ACBD3: variants seen among roughly 807,000 people sequenced by gnomAD.
ACBD3 encodes Golgi resident protein GCP60.
In ACBD3, 30 loss-of-function variants were observed where a neutral mutation model predicts 66.9. The observed-to-expected ratio is 0.45, with a 90% CI of 0.34 to 0.61. The LOEUF is 0.61. Among genes scored for constraint, ACBD3 ranks in the 20% least tolerant of loss-of-function variants. The pLI is 0.02. For missense variants in ACBD3, 544 were observed against 664.5 expected (o/e 0.82, Z 1.99); for synonymous variants, 278 against 259.8 (o/e 1.07, Z -0.68).
intron 1 of ACBD3, among the ~76,000 whole-genome samples, chr1:226,183,862 C>A: frequency 8.2e-6 from 1 of 122,530 alleles, no homozygotes. Context: ...CTAGCCTGAG[C>A]AACAAGAATC....
At chr1:226,184,282 CAGTT>C (rs1656241872) in intron 1 of ACBD3, among the ~76,000 whole-genome samples, 1 of 152,236 alleles carries the variant, frequency 6.6e-6, no homozygotes, top group Non-Finnish European at 1.5e-5. Flanking sequence ...TCCCTTTTGT[CAGTT>C]AGTGTCTCAT....
rs940159174 is a variant in ACBD3 at position 226,154,655 on chromosome 1, C to G, written c.1082G>C (p.Gly361Ala). ...PEAAEEALEN[G>A]PKESLPVIAA... is the part of the protein sequence containing the mutation. ...ACATATGCAAAACCTACCTTTTGGT[C>G]CATTCTCCAGGGCTTCTTCTGCAGC... The change falls in exon 6 of 8, where the codon GGA (glycine) becomes GCA (alanine). Residue 361 changes from glycine (G) to alanine (A), a missense_variant. Physicochemically the swap from Gly to Ala is moderately conservative, Grantham distance 60. Transcript: ENST00000366812. 15 of 1,609,168 alleles carry G rather than the reference C, an allele frequency of 9.3e-6. No individual in the cohort carries two copies. The highest frequency in any genetic ancestry group is 1.2e-5 in the Non-Finnish European group (14 of 1,177,704).
At position 226,183,539 on chromosome 1, in the gene ACBD3, C is replaced by T. The variant is rs563621933; in HGVS notation, c.286+2851G>A. Reference sequence around the variant, plus strand: ...ATACTGGTATAAAACCATAGAATAGCGATTAAAAGTCCCAGCAAGACTGAC... The same window carrying T: ...ATACTGGTATAAAACCATAGAATAGTGATTAAAAGTCCCAGCAAGACTGAC... On this transcript the variant is annotated intron_variant, in intron 1 of 7. Coordinates refer to ENST00000366812, the MANE Select transcript of ACBD3 (RefSeq NM_022735.4). Among the ~76,000 whole-genome samples, 7 of 152,086 alleles carry T rather than the reference C, an allele frequency of 4.6e-5. No individual in the cohort carries two copies. The East Asian group carries it at 1.2e-3, about 25-fold the overall frequency.
At chr1:226,147,971 A>G (rs1013059496) in intron 7 of ACBD3, 2 of 152,202 alleles carry the variant, frequency 1.3e-5, no homozygotes, top group African/African-American at 4.8e-5. Context: ...GACTGGGACT[A>G]CAGGCATGGA....
chr1:226,162,494 C>T (rs552117522), intron 3 of ACBD3, among the ~76,000 whole-genome samples: 144 of 152,146 alleles, frequency 9.5e-4, no homozygotes, highest in Non-Finnish European at 1.4e-3. Context: ...TAAAAAAGAA[C>T]GGTTAACCTC....
chr1:226,149,103 A>G (rs560473427), intron 7 of ACBD3, among the ~76,000 whole-genome samples: 38 of 152,254 alleles, frequency 2.5e-4, no homozygotes, highest in African/African-American at 6.3e-4. Context: ...CCCCAAAACT[A>G]TCATCAGCTG....
intron 1 of ACBD3, among the ~76,000 whole-genome samples, chr1:226,184,978 A>G (rs1656263834): frequency 6.6e-6 from 1 of 151,548 alleles, no homozygotes; most frequent in Non-Finnish European, 1.5e-5. Context: ...AAAAGGAATT[A>G]GTTCATTTCT....
chr1:226,169,541 G>A (rs539542427), intron 1 of ACBD3, among the ~76,000 whole-genome samples: 20 of 130,974 alleles, frequency 1.5e-4, no homozygotes, highest in Non-Finnish European at 2.2e-4. Flanking sequence ...GAGCCACCGC[G>A]CCTGGACTGC....
chr1:226,149,456 A>G (rs1659520334), intron 7 of ACBD3, among the ~76,000 whole-genome samples: 1 of 141,254 alleles, frequency 7.1e-6, no homozygotes, highest in African/African-American at 2.6e-5. Context: ...TGAACTCCTG[A>G]CCTCAGGTGA....
At chr1:226,164,747 G>C (rs1659839689) in intron 3 of ACBD3, 42 bp downstream of exon 3, 1 of 1,584,980 alleles carries the variant, frequency 6.3e-7, no homozygotes, top group African/African-American at 1.3e-5. Flanking sequence ...TCAGTACACT[G>C]GGCTGCGCAG....
At chr1:226,175,091 C>CAAAAAAAAA (rs35201518) in intron 1 of ACBD3, among the ~76,000 whole-genome samples, 71 of 75,936 alleles carry the variant, frequency 9.3e-4, no homozygotes, top group East Asian at 1.1e-3. Flanking sequence ...GACTCCATCT[C>CAAAAAAAAA]AAAAAAAAAA....
At chr1:226,162,721 TC>T (rs143176365) in intron 3 of ACBD3, among the ~76,000 whole-genome samples, 4,633 of 151,948 alleles carry the variant, frequency 0.03, 220 homozygotes, top group African/African-American at 0.1. Context: ...CTCACCTTTC[TC>T]CCCTCTAACT....
At chr1:226,146,994 C>G (rs1355086862) in intron 7 of ACBD3, among the ~76,000 whole-genome samples, 173 bp from the exon 8 acceptor site, 2 of 152,158 alleles carry the variant, frequency 1.3e-5, no homozygotes, top group Non-Finnish European at 2.9e-5. Flanking sequence ...TGGGTGCAAG[C>G]GATTCTCCTG....
chr1:226,153,826 T>A (rs114078387), intron 6 of ACBD3, among the ~76,000 whole-genome samples: 1 of 152,184 alleles, frequency 6.6e-6, no homozygotes, highest in African/African-American at 2.4e-5. Context: ...TGGGTCTTCA[T>A]GCACTTGTGA....
At chr1:226,181,969 G>A (rs1656179649) in intron 1 of ACBD3, among the ~76,000 whole-genome samples, 1 of 152,198 alleles carries the variant, frequency 6.6e-6, no homozygotes, top group African/African-American at 2.4e-5. Context: ...GGTAGCTCAT[G>A]CCTGTAATCC....
At chr1:226,175,257 C>T (rs1280364341) in intron 1 of ACBD3, among the ~76,000 whole-genome samples, 4 of 152,090 alleles carry the variant, frequency 2.6e-5, no homozygotes, top group Non-Finnish European at 5.9e-5. Context: ...TGGTCTCATG[C>T]ACTCTTTTCA....
At chr1:226,175,091 C>CAAAAAAAAAAAAAAAAAAAAAA (rs35201518) in intron 1 of ACBD3, among the ~76,000 whole-genome samples, 13 of 75,974 alleles carry the variant, frequency 1.7e-4, no homozygotes, top group East Asian at 7.1e-4. Context: ...GACTCCATCT[C>CAAAAAAAAAAAAAAAAAAAAAA]AAAAAAAAAA....
chr1:226,174,543 T>C (rs575014218), intron 1 of ACBD3, among the ~76,000 whole-genome samples: 24 of 152,058 alleles, frequency 1.6e-4, no homozygotes, highest in African/African-American at 5.1e-4. Context: ...GGCAAGTGGA[T>C]CACCTGAGGT....
chr1:226,162,878 C>T (rs1219668136), intron 3 of ACBD3, among the ~76,000 whole-genome samples: 1 of 151,626 alleles, frequency 6.6e-6, no homozygotes, highest in African/African-American at 2.4e-5. Flanking sequence ...CTCACTGCAA[C>T]CTCCGCCTCC....
Sources: gnomAD v4.1 joint callset for allele counts (sites outside exome capture counted in the v4.1 genomes callset) on GRCh38, gnomAD v4.1.1 for gene constraint, MANE v1.5 for transcripts, NCBI Gene and HGNC (gene_info 2026-07-23, HGNC 2026-07-21) for gene names.